ATAD3C: variants seen among roughly 807,000 people sequenced by gnomAD.
The protein encoded by ATAD3C is ATPase family AAA domain containing 3C, also known as ATPase family AAA domain-containing protein 3C.
Under a neutral mutation model 46.3 loss-of-function variants are expected in ATAD3C, and 38 were observed. That is an observed-to-expected ratio of 0.82 (90% CI 0.63 to 1.08). ATAD3C has a LOEUF of 1.08. ATAD3C is among the 50% of genes least tolerant of loss of function. The pLI is 0.00. For missense variants in ATAD3C, 563 were observed against 572.7 expected, an observed-to-expected ratio of 0.98 and a Z score of 0.17; for synonymous variants, 220 against 236.4, an observed-to-expected ratio of 0.93 and a Z score of 0.63.
At chr1:1,454,053 A>G (rs1285283786) in intron 3 of ATAD3C, among the ~76,000 whole-genome samples, 1 of 152,040 alleles carries the variant, frequency 6.6e-6, no homozygotes, top group Non-Finnish European at 1.5e-5. Context: ...CCTGTGACAT[A>G]TCCAGCTGGG....
At chr1:1,461,195 T>TC (rs74783851) in intron 10 of ATAD3C, among the ~76,000 whole-genome samples, 23,566 of 150,648 alleles carry the variant, frequency 0.16, 4,072 homozygotes, top group East Asian at 0.46. Flanking sequence ...CCTTTAACAT[T>TC]TTTTTTTTTG....
At position 1,462,726 on chromosome 1, in the gene ATAD3C, G is replaced by T. The variant is rs1320409555; in HGVS notation, c.1089+18G>T. On this transcript the variant is annotated intron_variant, in intron 11 of 11. Transcript: ENST00000378785. This position sits in a 1 kb window ranked among gnomAD's most constrained non-coding sequence, Gnocchi z 4.5. ...CCTGGCAGGTGAGTCAGGCTCGGGT[G>T]CACCCACCCAGATGGAAGCCCAGCT... The T allele has an allele frequency of 1.3e-6, 2 of 1,588,448 alleles. No individual in the cohort carries two copies. Among genetic ancestry groups the T allele is most frequent in the Non-Finnish European group, 1.7e-6 (2 of 1,167,150 alleles).
At chr1:1,453,304 G>A (rs1399926571) in intron 3 of ATAD3C, among the ~76,000 whole-genome samples, 1 of 152,104 alleles carries the variant, frequency 6.6e-6, no homozygotes, top group Non-Finnish European at 1.5e-5. Context: ...CCGGGTTCAA[G>A]CGATTCTCTT....
rs1557775202 is a variant in ATAD3C at position 1,450,249 on chromosome 1, C to CAG, written c.-435_-434insAG. ...CTGAGGCAGGAGAGTGACGTGAACC[C>CAG]GAGAGGTAGAGCTTGCAGTAAGCAG... On this transcript the variant is annotated 5_prime_UTR_variant, in exon 1 of 12. Transcript: ENST00000378785. The CAG allele has an allele frequency of 6.3e-6, 1 of 158,418 alleles. No individual in the cohort carries two copies. Among genetic ancestry groups the CAG allele is most frequent in the Non-Finnish European group, 1.4e-5 (1 of 72,952 alleles). The allele number at this position is 158,418 out of a possible 1,614,324, so 9.8% of individuals were successfully genotyped here. A position where few individuals can be genotyped will look rare whatever the true frequency, so the allele number is the denominator to read the frequency against.
At chr1:1,468,120 G>A (rs1639173896) in intron 11 of ATAD3C, among the ~76,000 whole-genome samples, 1 of 152,088 alleles carries the variant, frequency 6.6e-6, no homozygotes, top group African/African-American at 2.4e-5. Context: ...TCGGCCGTCA[G>A]TGAGGCTCCG....
At chr1:1,451,688 G>T (rs1638861335) in intron 1 of ATAD3C, among the ~76,000 whole-genome samples, 1 of 152,078 alleles carries the variant, frequency 6.6e-6, no homozygotes, top group Non-Finnish European at 1.5e-5. Flanking sequence ...TTCACGTGTT[G>T]CCTGTTGTGG....
At chr1:1,458,558 G>A (rs2100482303) in intron 8 of ATAD3C, among the ~76,000 whole-genome samples, 1 of 151,936 alleles carries the variant, frequency 6.6e-6, no homozygotes, top group African/African-American at 2.4e-5. Flanking sequence ...AGGATTACAG[G>A]CGTGAGCCAC....
intron 8 of ATAD3C, among the ~76,000 whole-genome samples, chr1:1,457,552 T>C (rs532345361): frequency 6.1e-5 from 8 of 130,152 alleles, no homozygotes; most frequent in South Asian, 2.5e-4. Context: ...GCCGAGATCG[T>C]GCTGCTGCAC....
At position 1,452,479 on chromosome 1, in the gene ATAD3C, G is replaced by A. The variant is rs534827134; in HGVS notation, c.222+45G>A. ...AGGGCTGGCAGGTGGCTGAGGGGCA[G>A]CATGTGGGGGCCTCCTGGAGCCACA... On this transcript the variant is annotated intron_variant, in intron 3 of 11. Transcript: ENST00000378785. 1.1e-4 allele frequency: 181 copies of A among 1,612,406 alleles called. 2 individuals are homozygous for A. In the South Asian group the frequency reaches 1.3e-3, roughly 12 times the overall value.
In ATAD3C at chr1:1,450,394, G is replaced by T. The variant is rs2100469571; in HGVS notation, c.-290G>T. On this transcript the variant is annotated 5_prime_UTR_variant, in exon 1 of 12. Transcript: ENST00000378785. ...TTTAGCCATCGCCTGACTTTCTGTT[G>T]AATTGGGAAAGAGCCTCCTCCCGTC... The T allele has an allele frequency of 8.0e-6, 3 of 374,780 alleles. No homozygotes were observed. Among genetic ancestry groups the T allele is most frequent in the Non-Finnish European group, 1.5e-5 (3 of 201,324 alleles). 23.2% of individuals were successfully genotyped at this position (374,780 alleles called of 1,614,324 possible).
intron 3 of ATAD3C, among the ~76,000 whole-genome samples, chr1:1,452,772 C>T (rs1475880914): frequency 2.7e-5 from 4 of 147,958 alleles, no homozygotes; most frequent in Admixed American, 1.4e-4. Context: ...GCACTCCAAC[C>T]TTGGGACAGA....
In ATAD3C at chr1:1,456,292, G is replaced by C; in HGVS notation, c.632G>C (p.Arg211Pro). Residue 211 changes from arginine to proline, a missense_variant, in exon 7 of 12, where the codon CGG becomes CCG. Transcript: ENST00000378785. The stretch of plus-strand genomic sequence containing the variant: ...GGCGGGGACGTGGCCCCCATGGGGC[G>C]GGAAGGCGTGACCGCCATGCACAAG... ...MTGGDVAPMG[R>P]EGVTAMHKLF... is the part of the protein sequence containing the mutation. 6.8e-7 allele frequency: 1 copy of C among 1,462,012 alleles called. No individual in the cohort carries two copies. The highest frequency in any genetic ancestry group is 3.0e-5 in the East Asian group (1 of 33,886). 90.6% of individuals were successfully genotyped at this position (1,462,012 alleles called of 1,614,324 possible). A position where few individuals can be genotyped will look rare whatever the true frequency, so the allele number is the denominator to read the frequency against.
rs1049778931 is a variant in ATAD3C at position 1,460,950 on chromosome 1, G to A, written c.980+33G>A. The A allele has an allele frequency of 7.0e-6, 11 of 1,577,272 alleles. No individual in the cohort carries two copies. The African/African-American group carries it at 1.1e-4, about 15-fold the overall frequency. ...TCCCGCCCCACCAGCCCCCGTCCAG[G>A]GGCCCTCGCTCAGGGTCCACCCCTG... On this transcript the variant is annotated intron_variant, in intron 10 of 11. Transcript: ENST00000378785.
chr1:1,455,817 C>A lies in ATAD3C; in HGVS notation c.465C>A (p.Asp155Glu), dbSNP rs753830490. ...CCAGCCTGGAAGCACGGGTGCGCGA[C>A]ATCGCCATAATGACAAGGAACATCA... The part of the protein sequence containing the change: ...LSPSLEARVR[D>E]IAIMTRNIKK... Residue 155 changes from aspartate (D) to glutamate (E), a missense_variant, in exon 6 of 12, where the codon GAC (aspartate) becomes GAA (glutamate). Around this residue, in one of 3 missense-constraint regions of ATAD3C, gnomAD observed 263 missense variants for 243.1 expected, o/e 1.08. Coordinates refer to ENST00000378785, the MANE Select transcript of ATAD3C (RefSeq NM_001039211.3). 4.3e-6 allele frequency: 7 copies of A among 1,613,348 alleles called. No homozygotes were observed. The highest frequency in any genetic ancestry group is 5.9e-6 in the Non-Finnish European group (7 of 1,179,700).
intron 10 of ATAD3C, among the ~76,000 whole-genome samples, chr1:1,461,643 A>T (rs147067488): frequency 3.6e-5 from 4 of 111,612 alleles, no homozygotes; most frequent in East Asian, 5.3e-4. Context: ...ACCCCCATGT[A>T]GGGACTGGAG....
In ATAD3C at chr1:1,450,641, T is replaced by A. The variant is rs780371849; in HGVS notation, c.-43T>A. 6.9e-6 allele frequency: 11 copies of A among 1,591,988 alleles called. No individual in the cohort carries two copies. Among genetic ancestry groups the A allele is most frequent in the East Asian group, 2.3e-5 (1 of 43,834 alleles). On this transcript the variant is annotated 5_prime_UTR_variant, in exon 1 of 12. Transcript: ENST00000378785. ...GTGCGTGCCTGCCCAGCGGCATCCG[T>A]GTATCCTAACACCTGCCCTCCGTGT...
Position 1,459,154 on chromosome 1 carries a change from T to G in ATAD3C, c.742-7T>G, listed in dbSNP as rs1454779293. 1.9e-6 allele frequency: 3 copies of G among 1,609,652 alleles called. No individual in the cohort carries two copies. In the African/African-American group the frequency reaches 4.0e-5, roughly 22 times the overall value. The stretch of plus-strand genomic sequence containing the variant: ...TGGTGCCTAAGGCTGGAACCTTCTC[T>G]CTGCAGGAGAAGATAAGCGAGGACC... On this transcript the variant is annotated splice_region_variant and splice_polypyrimidine_tract_variant and intron_variant, in intron 8 of 11. Transcript: ENST00000378785. This position sits in a 1 kb window ranked among gnomAD's most constrained non-coding sequence, Gnocchi z 4.9.
rs944326327 is a variant in ATAD3C, at chr1:1,459,039, A to G, written c.742-122A>G. ...TGGCCCTGGTCAGGCTTTTGAGTCTAGATCCGTGAAAGTGTCGCCATGTCC... is the reference window on the plus strand; with the variant it reads ...TGGCCCTGGTCAGGCTTTTGAGTCTGGATCCGTGAAAGTGTCGCCATGTCC... On this transcript the variant is annotated intron_variant, in intron 8 of 11. Transcript: ENST00000378785. This position sits in a 1 kb window ranked among gnomAD's most constrained non-coding sequence, Gnocchi z 4.9. The G allele has an allele frequency of 1.3e-5, 21 of 1,555,846 alleles. No individual in the cohort carries two copies. Among genetic ancestry groups the G allele is most frequent in the Non-Finnish European group, 1.7e-5 (19 of 1,150,342 alleles).
chr1:1,457,065 G>A (rs1279589829), intron 7 of ATAD3C, 64 bp from the exon 8 acceptor site: 21 of 1,606,448 alleles, frequency 1.3e-5, no homozygotes, highest in Admixed American at 8.3e-5. Context: ...TGCCATGGCC[G>A]GACGCCGCTG....
Sources: gnomAD v4.1 joint callset for allele counts (sites outside exome capture counted in the v4.1 genomes callset) on GRCh38, gnomAD v4.1.1 for gene constraint, gnomAD v4.1.1 regional missense constraint, Gnocchi (gnomAD v3.1) non-coding constraint, MANE v1.5 for transcripts, NCBI Gene and HGNC (gene_info 2026-07-23, HGNC 2026-07-21) for gene names.